The following FBXW10B variants were observed in gnomAD, a reference collection of about 807,000 sequenced individuals.
FBXW10B encodes the protein F-box and WD repeat domain containing 10B, also known as F-box and WD repeat domain containing protein 10B.
chr17:15,602,111 T>TAAA, the FBXW10B span, among the ~76,000 whole-genome samples: 1,230 of 131,444 alleles, frequency 9.4e-3, 24 homozygotes, highest in African/African-American at 0.032. Context: ...GACTCCGTCT[T>TAAA]AAAAAAAAAA....
the FBXW10B span, chr17:15,615,470 G>A: frequency 1.2e-5 from 10 of 822,456 alleles, no homozygotes; most frequent in East Asian, 1.2e-4. Context: ...CTGCCACTGC[G>A]CCCGGCTAAT....
At chr17:15,599,672 T>C in the FBXW10B span, among the ~76,000 whole-genome samples, 3 of 151,316 alleles carry the variant, frequency 2.0e-5, no homozygotes, top group South Asian at 4.2e-4. Context: ...ATCTAAGAGA[T>C]AGATGGGAGC....
the FBXW10B span, among the ~76,000 whole-genome samples, chr17:15,589,955 C>A: frequency 1.3e-5 from 2 of 152,210 alleles, no homozygotes; most frequent in Admixed American, 1.3e-4. Context: ...TTTAATGAAT[C>A]TACAAATACC....
the FBXW10B span, among the ~76,000 whole-genome samples, chr17:15,606,624 T>A: frequency 2.7e-5 from 4 of 147,854 alleles, no homozygotes; most frequent in Non-Finnish European, 5.9e-5. Context: ...TATATATACA[T>A]GTACATATAT....
At chr17:15,613,831 A>C in the FBXW10B span, 3 of 1,608,634 alleles carry the variant, frequency 1.9e-6, no homozygotes, top group Non-Finnish European at 1.7e-6. Context: ...ACCCCAGCAT[A>C]CTTAGAATGT....
the FBXW10B span, among the ~76,000 whole-genome samples, chr17:15,616,842 GT>G: frequency 1.3e-5 from 2 of 149,764 alleles, no homozygotes; most frequent in African/African-American, 2.5e-5. Flanking sequence ...AAAGAAGAAG[GT>G]TGCCACAACC....
the FBXW10B span, chr17:15,598,413 A>T: frequency 5.9e-5 from 88 of 1,498,232 alleles, no homozygotes; most frequent in East Asian, 2.0e-3. Flanking sequence ...GGGTGGATGG[A>T]TGGATGGATG....
the FBXW10B span, among the ~76,000 whole-genome samples, chr17:15,600,120 G>C: frequency 6.6e-6 from 1 of 151,760 alleles, no homozygotes; most frequent in Non-Finnish European, 1.5e-5. Flanking sequence ...GGAGGCTGAG[G>C]CAGGAGAATG....
chr17:15,570,571 T>G, the FBXW10B span, among the ~76,000 whole-genome samples: 1 of 152,212 alleles, frequency 6.6e-6, no homozygotes, highest in African/African-American at 2.4e-5. Flanking sequence ...CCTTGGTCAG[T>G]GTTGTTCTGG....
At chr17:15,617,499 A>G in the FBXW10B span, among the ~76,000 whole-genome samples, 1 of 152,138 alleles carries the variant, frequency 6.6e-6, no homozygotes, top group Non-Finnish European at 1.5e-5. Context: ...TGTCCCCTCC[A>G]AATCTCATGT....
chr17:15,570,340 T>C, the FBXW10B span, among the ~76,000 whole-genome samples: 4 of 151,970 alleles, frequency 2.6e-5, no homozygotes, highest in African/African-American at 7.3e-5. Context: ...TTTGGATAGG[T>C]AGAGAATGAA....
At chr17:15,586,464 C>T in the FBXW10B span, among the ~76,000 whole-genome samples, 1 of 151,588 alleles carries the variant, frequency 6.6e-6, no homozygotes, top group Non-Finnish European at 1.5e-5. Context: ...CTCCTTAATG[C>T]CTCAATCTAG....
At chr17:15,585,994 G>T in the FBXW10B span, among the ~76,000 whole-genome samples, 330 of 114,680 alleles carry the variant, frequency 2.9e-3, no homozygotes, top group Admixed American at 6.0e-3. Flanking sequence ...CCCATTTGTT[G>T]AAAATTTCCA....
the FBXW10B span, among the ~76,000 whole-genome samples, chr17:15,582,594 AAT>A: frequency 1.1e-4 from 16 of 151,310 alleles, no homozygotes; most frequent in African/African-American, 3.4e-4. Context: ...ATTGTATACA[AAT>A]ATTCTAAAGA....
the FBXW10B span, among the ~76,000 whole-genome samples, chr17:15,601,014 G>A: frequency 9.3e-6 from 1 of 107,406 alleles, no homozygotes; most frequent in African/African-American, 3.7e-5. Flanking sequence ...TCGCGTCACA[G>A]CACTCCAGCC....
chr17:15,601,048 T>TAAAAAAAAA, the FBXW10B span, among the ~76,000 whole-genome samples: 1 of 544 alleles, frequency 1.8e-3, no homozygotes, highest in African/African-American at 6.1e-3. Flanking sequence ...AGACTCCATC[T>TAAAAAAAAA]CAAAAAAAAA....
At chr17:15,567,062 G>A in the FBXW10B span, among the ~76,000 whole-genome samples, 6 of 150,808 alleles carry the variant, frequency 4.0e-5, no homozygotes, top group Non-Finnish European at 8.9e-5. Flanking sequence ...ACGAGGTCAG[G>A]CGATCCAGAC....
At chr17:15,615,645 C>T in the FBXW10B span, 1 of 1,613,794 alleles carries the variant, frequency 6.2e-7, no homozygotes. Flanking sequence ...GTTCACTTAC[C>T]AGGGTTAGAT....
At chr17:15,580,094 G>A in the FBXW10B span, among the ~76,000 whole-genome samples, 3 of 150,866 alleles carry the variant, frequency 2.0e-5, no homozygotes, top group Non-Finnish European at 1.5e-5. Context: ...TTGTATATGA[G>A]TTTTGAAATA....
Sources: allele counts gnomAD v4.1 joint callset (sites outside exome capture counted in the v4.1 genomes callset), GRCh38; gene constraint gnomAD v4.1.1; transcripts MANE v1.5; gene names NCBI Gene and HGNC (gene_info 2026-07-23, HGNC 2026-07-21).